CSH2: variants seen among roughly 807,000 people sequenced by gnomAD.
The protein encoded by CSH2 is chorionic somatomammotropin hormone 2.
A neutral mutation model predicts 22.7 loss-of-function variants in CSH2; 10 were observed. The observed-to-expected ratio is 0.44, with a 90% confidence interval of 0.27 to 0.75. CSH2 has a LOEUF of 0.75. CSH2 is among the 30% of genes least tolerant of loss of function. CSH2 has a pLI of 0.16. For missense variants in CSH2, 161 were observed against 271.0 expected (o/e 0.59, Z 2.85); for synonymous variants, 64 against 115.0 (o/e 0.56, Z 2.84).
intron 1 of CSH2, 84 bp downstream of exon 1, chr17:63,873,521 G>C (rs1447764579): frequency 6.4e-7 from 1 of 1,571,240 alleles, no homozygotes; most frequent in Non-Finnish European, 8.7e-7. Context: ...CCAAACCTGA[G>C]GGTTAGTGCC....
chr17:63,872,522 C>T (rs780919612), intron 4 of CSH2, 55 bp downstream of exon 4: 20 of 1,613,892 alleles, frequency 1.2e-5, no homozygotes, highest in Admixed American at 8.3e-5. Flanking sequence ...TTCTCTCCCC[C>T]AGCCCTCTAA....
rs146967171 is a variant in CSH2, at chr17:63,873,272, G to C, written c.78C>G (p.Ala26=). Reference sequence around the variant, plus strand: ...GCCTGGATAACGGAACGGTTTGGACGGCACCAGCCTCTTGAAGCCAGGGCA... The same window carrying C: ...GCCTGGATAACGGAACGGTTTGGACCGCACCAGCCTCTTGAAGCCAGGGCA... ...LCLPWLQEAG[A]VQTVPLSRLF... is the part of the protein sequence containing the mutation. The change falls in exon 2 of 5, where the codon GCC becomes GCG. Residue 26 remains alanine, a synonymous_variant. Transcript: ENST00000392886. The C allele has an allele frequency of 2.5e-5, 40 of 1,614,088 alleles. No homozygotes were observed. The highest frequency in any genetic ancestry group is 5.0e-5 in the Admixed American group (3 of 60,000).
At chr17:63,872,546 C>T (rs759168838) in intron 4 of CSH2, 31 bp downstream of exon 4, 6 of 1,613,932 alleles carry the variant, frequency 3.7e-6, no homozygotes, top group African/African-American at 1.3e-5. Flanking sequence ...AGTGGGGTTC[C>T]AGGATTGGCG....
Position 63,872,071 on chromosome 17 carries a change from C to T in CSH2, c.*55G>A, listed in dbSNP as rs900652410. Reference sequence around the variant, plus strand: ...CTGATGGGCACTGGAGTGGCACCTTCCAGGGCCAGGAGAGGCACTGGGGAG... The same window carrying T: ...CTGATGGGCACTGGAGTGGCACCTTTCAGGGCCAGGAGAGGCACTGGGGAG... On this transcript the variant is annotated 3_prime_UTR_variant, in exon 5 of 5. Coordinates refer to ENST00000392886, the MANE Select transcript of CSH2 (RefSeq NM_020991.4). 6.2e-7 allele frequency: 1 copy of T among 1,610,906 alleles called. No individual in the cohort carries two copies. Among genetic ancestry groups the T allele is most frequent in the African/African-American group, 1.3e-5 (1 of 74,848 alleles).
Position 63,873,162 on chromosome 17 carries a change from A to T in CSH2, c.171+17T>A, listed in dbSNP as rs755832749. 6.2e-7 allele frequency: 1 copy of T among 1,613,246 alleles called. No homozygotes were observed. Among genetic ancestry groups the T allele is most frequent in the African/African-American group, 1.3e-5 (1 of 74,824 alleles). ...TTCTTGCCACCCCTGACCCGCACCC[A>T]TTCCCCAAGAACTTACAAACTCCTG... On this transcript the variant is annotated intron_variant, in intron 2 of 4. Transcript: ENST00000392886.
intron 4 of CSH2, 51 bp from the exon 5 acceptor site, chr17:63,872,374 C>T: frequency 6.2e-7 from 1 of 1,613,876 alleles, no homozygotes; most frequent in East Asian, 2.2e-5. Flanking sequence ...GCACTGTTCC[C>T]TCCCTCTCTC....
chr17:63,872,231 G>A lies in CSH2; in HGVS notation c.549C>T (p.Leu183=), dbSNP rs769275416. 3.7e-6 allele frequency: 6 copies of A among 1,613,916 alleles called. No individual in the cohort carries two copies. The highest frequency in any genetic ancestry group is 2.7e-5 in the African/African-American group (2 of 74,920). Residue 183 remains leucine (L), a synonymous_variant, in exon 5 of 5, where the codon CTC becomes CTT. Coordinates refer to ENST00000392886, the MANE Select transcript of CSH2 (RefSeq NM_020991.4). The part of the protein sequence containing the change: ...DTNSHNHDAL[L]KNYGLLYCFR... Reference sequence around the variant, plus strand: ...AGCAGTAGAGCAGCCCGTAGTTCTTGAGCAGTGCGTCATGGTTGTGTGAGT... The same window carrying A: ...AGCAGTAGAGCAGCCCGTAGTTCTTAAGCAGTGCGTCATGGTTGTGTGAGT...
intron 3 of CSH2, 30 bp downstream of exon 3, chr17:63,872,805 C>T (rs1246812494): frequency 7.5e-7 from 1 of 1,337,982 alleles, no homozygotes; most frequent in Admixed American, 2.5e-5. Context: ...TCTCCCCCAT[C>T]CCCGCCTAGG....
Position 63,873,359 on chromosome 17 carries a change from C to T in CSH2, c.11-20G>A. 1.2e-6 allele frequency: 2 copies of T among 1,612,812 alleles called. No individual in the cohort carries two copies. The highest frequency in any genetic ancestry group is 1.7e-6 in the Non-Finnish European group (2 of 1,179,486). On this transcript the variant is annotated intron_variant, in intron 1 of 4. Transcript: ENST00000392886. ...GGGAGCCTGGGGAGAAACCGGAGGGCAATGGAGGGAGCCGGAGAGGAAGAG... is the reference window on the plus strand; with the variant it reads ...GGGAGCCTGGGGAGAAACCGGAGGGTAATGGAGGGAGCCGGAGAGGAAGAG...
At chr17:63,872,801 C>T (rs1444971055) in intron 3 of CSH2, 34 bp downstream of exon 3, 12 of 1,341,008 alleles carry the variant, frequency 8.9e-6, no homozygotes, top group South Asian at 1.4e-5. Flanking sequence ...CAGGTCTCCC[C>T]CATCCCCGCC....
In CSH2 at chr17:63,872,165, C is replaced by T. The variant is rs561223596; in HGVS notation, c.615G>A (p.Met205Ile). The T allele has an allele frequency of 1.5e-5, 24 of 1,614,068 alleles. 1 individual carries two copies. The highest frequency in any genetic ancestry group is 1.3e-4 in the East Asian group (6 of 44,876). ...TACCCTCTACAGAGCGGCACTGCAC[C>T]ATGCGCAGGAATGTCTCGACCTTGT... ...DMDKVETFLR[M>I]VQCRSVEGSC... The change falls in exon 5 of 5, where the codon ATG becomes ATA. Residue 205 changes from methionine (M) to isoleucine (I), a missense_variant. Met to Ile is a conservative substitution (Grantham distance 10). This residue lies in a region of CSH2 where 145 missense variants were observed against 157.8 expected (regional missense o/e 0.92). Coordinates refer to ENST00000392886, the MANE Select transcript of CSH2 (RefSeq NM_020991.4).
rs1359653639 is a variant in CSH2 at position 63,872,078 on chromosome 17, C to A, written c.*48G>T. On this transcript the variant is annotated 3_prime_UTR_variant, in exon 5 of 5. Transcript: ENST00000392886. ...GCACTGGAGTGGCACCTTCCAGGGC[C>A]AGGAGAGGCACTGGGGAGGGGTCGG... 1 of 1,613,524 alleles carries A rather than the reference C, an allele frequency of 6.2e-7. No homozygotes were observed. The highest frequency in any genetic ancestry group is 8.5e-7 in the Non-Finnish European group (1 of 1,179,634).
At position 63,872,684 on chromosome 17, in the gene CSH2, G is replaced by T; in HGVS notation, c.349C>A (p.Arg117=). ...LLIESWLEPV[R]FLRSMFANNL... ...TTGGCGAACATACTCCTGAGGAACC[G>T]CACGGGCTCCAGCCACGACTCGATG... The change falls in exon 4 of 5, where the codon CGG becomes AGG. Residue 117 remains arginine (R), a synonymous_variant. Coordinates refer to ENST00000392886, the MANE Select transcript of CSH2 (RefSeq NM_020991.4). 1.3e-5 allele frequency: 21 copies of T among 1,600,662 alleles called. No individual in the cohort carries two copies. Among genetic ancestry groups the T allele is most frequent in the Non-Finnish European group, 1.8e-5 (21 of 1,175,698 alleles).
At position 63,872,319 on chromosome 17, in the gene CSH2, A is replaced by G. The variant is rs749939987; in HGVS notation, c.461T>C (p.Leu154Pro). ...CCCAGTCCGGCGGCTGCCGTCTTCC[A>G]GCCTCTGCAAAGTGAAGGAAGAGAA... is the stretch of plus-strand genomic sequence containing the variant. ...EEGIQTLMGR[L>P]EDGSRRTGQI... is the part of the protein sequence containing the mutation. Residue 154 changes from leucine to proline, a missense_variant, in exon 5 of 5, where the codon CTG becomes CCG. Physicochemically the swap from Leu to Pro is moderately conservative, Grantham distance 98. This residue lies in a region of CSH2 where 145 missense variants were observed against 157.8 expected (regional missense o/e 0.92). Transcript: ENST00000392886. 11 of 1,613,782 alleles carry G rather than the reference A, an allele frequency of 6.8e-6. No individual in the cohort carries two copies. The highest frequency in any genetic ancestry group is 9.3e-6 in the Non-Finnish European group (11 of 1,179,802).
chr17:63,872,326 G>A lies in CSH2; in HGVS notation c.457-3C>T. On this transcript the variant is annotated splice_region_variant and splice_polypyrimidine_tract_variant and intron_variant, in intron 4 of 4. Coordinates refer to ENST00000392886, the MANE Select transcript of CSH2 (RefSeq NM_020991.4). ...CGGCGGCTGCCGTCTTCCAGCCTCT[G>A]CAAAGTGAAGGAAGAGAAGGAGAGG... is the stretch of plus-strand genomic sequence containing the variant. The A allele has an allele frequency of 1.9e-6, 3 of 1,613,880 alleles. No individual in the cohort carries two copies. The highest frequency in any genetic ancestry group is 2.5e-6 in the Non-Finnish European group (3 of 1,179,790).
rs1442414013 is a variant in CSH2 at position 63,872,118 on chromosome 17, G to T, written c.*8C>A. ...GGAGGGGTCGGTCACAGGATGCCACGCGGGCACCTAGAAGCCACAGCTACC... is the reference window on the plus strand; with the variant it reads ...GGAGGGGTCGGTCACAGGATGCCACTCGGGCACCTAGAAGCCACAGCTACC... On this transcript the variant is annotated 3_prime_UTR_variant, in exon 5 of 5. Transcript: ENST00000392886. 7 of 1,613,872 alleles carry T rather than the reference G, an allele frequency of 4.3e-6. No homozygotes were observed. Among genetic ancestry groups the T allele is most frequent in the East Asian group, 2.2e-5 (1 of 44,882 alleles).
Position 63,872,358 on chromosome 17 carries a change from G to A in CSH2, c.457-35C>T, listed in dbSNP as rs1194504029. The A allele has an allele frequency of 7.4e-6, 12 of 1,613,710 alleles. No individual in the cohort carries two copies. The East Asian group carries it at 8.9e-5, about 12-fold the overall frequency. On this transcript the variant is annotated intron_variant, in intron 4 of 4. Coordinates refer to ENST00000392886, the MANE Select transcript of CSH2 (RefSeq NM_020991.4). ...GAAGGAAGAGAAGGAGAGGCCAAGC[G>A]CTTGGGCACTGTTCCCTCCCTCTCT...
Position 63,872,286 on chromosome 17 carries a change from A to T in CSH2, c.494T>A (p.Leu165His), listed in dbSNP as rs1290333830. 1.2e-6 allele frequency: 2 copies of T among 1,613,772 alleles called. No individual in the cohort carries two copies. Among genetic ancestry groups the T allele is most frequent in the Non-Finnish European group, 1.7e-6 (2 of 1,179,820 alleles). ...GTCAAACTTGCTGTAGGTCTGCTTG[A>T]GGATCTGCCCAGTCCGGCGGCTGCC... ...EDGSRRTGQI[L>H]KQTYSKFDTN... Residue 165 changes from leucine to histidine, a missense_variant, in exon 5 of 5, where the codon CTC becomes CAC. By Grantham distance (99) the Leu-to-His change is moderately conservative. Coordinates refer to ENST00000392886, the MANE Select transcript of CSH2 (RefSeq NM_020991.4).
intron 4 of CSH2, 97 bp from the exon 5 acceptor site, chr17:63,872,420 G>C (rs1905136541): frequency 6.2e-7 from 1 of 1,613,708 alleles, no homozygotes; most frequent in African/African-American, 1.3e-5. Context: ...TCAGGGTGTA[G>C]AGAAGGGCCT....
Sources: gnomAD v4.1 joint callset for allele counts on GRCh38, gnomAD v4.1.1 for gene constraint, gnomAD v4.1.1 regional missense constraint, MANE v1.5 for transcripts, NCBI Gene and HGNC (gene_info 2026-07-23, HGNC 2026-07-21) for gene names.